PTPRD: variants seen among roughly 807,000 people sequenced by gnomAD.
PTPRD encodes protein tyrosine phosphatase receptor type D.
A neutral mutation model predicts 214.5 loss-of-function variants in PTPRD; 34 were observed. That is an observed-to-expected ratio of 0.16 (90% confidence interval 0.12 to 0.21). The LOEUF is 0.21. PTPRD is among the 10% of genes least tolerant of loss of function. PTPRD has a pLI of 1.00. For missense variants in PTPRD, 2,545 were observed against 2,398.7 expected (o/e 1.06, Z -1.27); for synonymous variants, 1,128 against 845.7 (o/e 1.33, Z -5.79).
chr9:9,888,442 T>C (rs926736244), intron 5 of PTPRD, among the ~76,000 whole-genome samples: 1 of 152,092 alleles, frequency 6.6e-6, no homozygotes, highest in Non-Finnish European at 1.5e-5. Context: ...TCTTCAGTGT[T>C]GGAGGTGGGG....
chr9:10,348,634 C>T (rs1056549780), intron 2 of PTPRD, among the ~76,000 whole-genome samples: 37 of 152,092 alleles, frequency 2.4e-4, no homozygotes, highest in Admixed American at 2.4e-3. Flanking sequence ...GTTTACCTCC[C>T]CTGTTTGCAT....
intron 2 of PTPRD, among the ~76,000 whole-genome samples, chr9:10,372,414 T>G (rs2097645342): frequency 6.6e-6 from 1 of 152,136 alleles, no homozygotes; most frequent in African/African-American, 2.4e-5. Context: ...TTTTGTCATG[T>G]AATTCAGGAC....
chr9:9,449,375 C>A (rs1232327039), intron 8 of PTPRD, among the ~76,000 whole-genome samples: 2 of 151,066 alleles, frequency 1.3e-5, no homozygotes, highest in Non-Finnish European at 3.0e-5. Context: ...TACATTCCTC[C>A]AAACCCAATA....
chr9:10,554,950 G>A (rs186791123), intron 2 of PTPRD, among the ~76,000 whole-genome samples: 5 of 152,224 alleles, frequency 3.3e-5, no homozygotes, highest in African/African-American at 7.2e-5. Context: ...GTGAGCCACC[G>A]CTCCAGGCTA....
chr9:8,413,532 A>T (rs189851011), intron 35 of PTPRD, among the ~76,000 whole-genome samples: 13 of 152,288 alleles, frequency 8.5e-5, no homozygotes, highest in African/African-American at 3.1e-4. Context: ...TCACTAAAAA[A>T]CATGACTATC....
At chr9:8,756,111 G>A (rs2093969365) in intron 11 of PTPRD, among the ~76,000 whole-genome samples, 1 of 152,138 alleles carries the variant, frequency 6.6e-6, no homozygotes, top group Non-Finnish European at 1.5e-5. Context: ...CTGGGGCCAA[G>A]AGAATCAGTG....
chr9:10,562,909 TAG>T (rs1435514255), intron 2 of PTPRD, among the ~76,000 whole-genome samples: 8 of 152,294 alleles, frequency 5.3e-5, no homozygotes, highest in African/African-American at 1.9e-4. Flanking sequence ...AAGCCATATA[TAG>T]ATACCCAGCC....
chr9:9,258,090 G>GAGAT (rs71319208), intron 9 of PTPRD, among the ~76,000 whole-genome samples: 29,908 of 148,236 alleles, frequency 0.2, 3,672 homozygotes, highest in East Asian at 0.38. Flanking sequence ...TGAATGGATA[G>GAGAT]AGATAGATAG....
intron 35 of PTPRD, among the ~76,000 whole-genome samples, chr9:8,426,420 T>G (rs1433158898): frequency 1.3e-5 from 2 of 152,220 alleles, no homozygotes; most frequent in Admixed American, 6.5e-5. Context: ...ATCCCAATTT[T>G]ACTTTGAAAT....
chr9:8,810,226 T>C (rs528380068), intron 11 of PTPRD, among the ~76,000 whole-genome samples: 2 of 152,290 alleles, frequency 1.3e-5, no homozygotes, highest in African/African-American at 4.8e-5. Flanking sequence ...TGATAGACTT[T>C]GGAAAGAAAA....
At chr9:9,623,932 T>C (rs888722301) in intron 7 of PTPRD, among the ~76,000 whole-genome samples, 4 of 152,130 alleles carry the variant, frequency 2.6e-5, no homozygotes, top group Admixed American at 2.0e-4. Flanking sequence ...TAAAGACATG[T>C]CAGTGAAAGT....
intron 4 of PTPRD, among the ~76,000 whole-genome samples, chr9:9,942,910 T>A (rs904388066): frequency 8.6e-5 from 13 of 151,206 alleles, no homozygotes; most frequent in Admixed American, 7.9e-4. Flanking sequence ...TTTTTTTTTT[T>A]AAAGCTTTTG....
At chr9:10,054,201 A>G (rs1461139182) in intron 3 of PTPRD, among the ~76,000 whole-genome samples, 1 of 152,222 alleles carries the variant, frequency 6.6e-6, no homozygotes, top group Admixed American at 6.5e-5. Context: ...AAAATATTTG[A>G]CAGATATGTG....
intron 12 of PTPRD, among the ~76,000 whole-genome samples, chr9:8,670,451 G>C (rs983297511): frequency 1.3e-5 from 2 of 152,094 alleles, no homozygotes; most frequent in African/African-American, 4.8e-5. Context: ...GTGAGATCAT[G>C]CAATATTTTG....
intron 5 of PTPRD, among the ~76,000 whole-genome samples, chr9:9,830,440 T>C (rs1003991928): frequency 6.6e-6 from 1 of 151,932 alleles, no homozygotes; most frequent in Non-Finnish European, 1.5e-5. Flanking sequence ...TTACATAAAG[T>C]ATGATCCTAT....
At chr9:9,722,320 T>C (rs1418269691) in intron 7 of PTPRD, among the ~76,000 whole-genome samples, 1 of 152,060 alleles carries the variant, frequency 6.6e-6, no homozygotes, top group Non-Finnish European at 1.5e-5. Context: ...AATAATAAAA[T>C]ATGTGGTCTA....
At chr9:8,758,992 G>A (rs537736615) in intron 11 of PTPRD, among the ~76,000 whole-genome samples, 78 of 150,646 alleles carry the variant, frequency 5.2e-4, no homozygotes, top group Admixed American at 2.4e-3. Flanking sequence ...GCCTAACAGG[G>A]TCATTTTTTT....
At chr9:8,442,425 C>T (rs975150861) in intron 34 of PTPRD, among the ~76,000 whole-genome samples, 1 of 152,150 alleles carries the variant, frequency 6.6e-6, no homozygotes, top group Non-Finnish European at 1.5e-5. Context: ...TCATTAATAA[C>T]GGTGGTACAT....
chr9:9,310,659 T>C (rs1958664135), intron 9 of PTPRD, among the ~76,000 whole-genome samples: 1 of 152,120 alleles, frequency 6.6e-6, no homozygotes, highest in African/African-American at 2.4e-5. Context: ...GGCTCGCGCC[T>C]GTAATCCCAG....
Sources: allele counts gnomAD v4.1 joint callset (sites outside exome capture counted in the v4.1 genomes callset), GRCh38; gene constraint gnomAD v4.1.1; transcripts MANE v1.5; gene names NCBI Gene and HGNC (gene_info 2026-07-23, HGNC 2026-07-21).